Variants in GSE1 observed in about 807,000 individuals in gnomAD.
GSE1 encodes Gse1 coiled-coil protein.
A neutral mutation model predicts 112.6 loss-of-function variants in GSE1; 32 were observed. The ratio of observed to expected loss-of-function variants is 0.28; its 90% CI spans 0.21 to 0.38. GSE1 has a LOEUF of 0.38. GSE1 is among the 10% of genes least tolerant of loss of function. The pLI, the probability that GSE1 is intolerant of heterozygous loss-of-function variation, is 1.00. For missense variants in GSE1, 2,348 were observed against 1,699.2 expected (o/e 1.38, Z -6.71); for synonymous variants, 1,115 against 735.6 (o/e 1.52, Z -8.35).
intron 3 of GSE1, among the ~76,000 whole-genome samples, chr16:85,653,060 G>A (rs1285443922): frequency 6.6e-6 from 1 of 150,904 alleles, no homozygotes; most frequent in African/African-American, 2.4e-5. Context: ...CCTGGGCAGT[G>A]CTGTCCCCAC....
At chr16:85,338,848 A>G (rs1351451993) in intron 1 of GSE1, among the ~76,000 whole-genome samples, 1 of 152,206 alleles carries the variant, frequency 6.6e-6, no homozygotes, top group African/African-American at 2.4e-5. Flanking sequence ...GCAAGCTGTG[A>G]TGGACAGGTG....
intron 1 of GSE1, among the ~76,000 whole-genome samples, chr16:85,344,993 C>G (rs2046703790): frequency 6.6e-6 from 1 of 152,246 alleles, no homozygotes; most frequent in Admixed American, 6.5e-5. Flanking sequence ...TCAGCCGCCC[C>G]CTCCCACAGG....
intron 1 of GSE1, among the ~76,000 whole-genome samples, chr16:85,313,132 C>T (rs923496021): frequency 6.6e-6 from 1 of 152,214 alleles, no homozygotes; most frequent in African/African-American, 2.4e-5. Flanking sequence ...TCCCAGGGAA[C>T]CGTCTCAGAA....
chr16:85,243,454 G>A (rs749692132), intron 1 of GSE1, among the ~76,000 whole-genome samples: 12 of 152,198 alleles, frequency 7.9e-5, no homozygotes, highest in Non-Finnish European at 1.2e-4. Context: ...CTGGCATCCC[G>A]GCCTGTGTTG....
intron 2 of GSE1, among the ~76,000 whole-genome samples, chr16:85,635,749 T>C (rs79926295): frequency 0.029 from 4,435 of 152,316 alleles, 211 homozygotes; most frequent in African/African-American, 0.1. Context: ...TGGGTTATCC[T>C]TGCATCCTGC....
rs554418691 is a variant in GSE1 at position 85,656,403 on chromosome 16, G to A, written c.1050G>A (p.Glu350=). ...ERERERERER[E]READREREKE... ...AGCGCGAGCGCGAGCGCGAGCGTGAGCGTGAGGCTGACCGCGAGCGGGAGA... is the reference window on the plus strand; with the variant it reads ...AGCGCGAGCGCGAGCGCGAGCGTGAACGTGAGGCTGACCGCGAGCGGGAGA... The change falls in exon 7 of 16, where the codon GAG becomes GAA. Residue 350 remains glutamate, a synonymous_variant. Transcript: ENST00000253458. 6.7e-5 allele frequency: 106 copies of A among 1,584,626 alleles called. 2 individuals carry two copies. The South Asian group carries it at 1.1e-3, about 16-fold the overall frequency.
intron 1 of GSE1, among the ~76,000 whole-genome samples, chr16:85,351,891 G>A (rs1031867460): frequency 1.3e-5 from 2 of 152,128 alleles, no homozygotes; most frequent in African/African-American, 4.8e-5. Flanking sequence ...TTGGGAGGCT[G>A]AGGCAGGAGA....
chr16:85,235,237 GCTCCCAA>G (rs1567628147), intron 1 of GSE1, among the ~76,000 whole-genome samples: 1 of 152,000 alleles, frequency 6.6e-6, no homozygotes, highest in African/African-American at 2.4e-5. Context: ...ATCAGAACAA[GCTCCCAA>G]CCCCCCGGCC....
upstream of GSE1, among the ~76,000 whole-genome samples, chr16:85,611,715 G>GC (rs1445187333): frequency 2.0e-5 from 3 of 152,100 alleles, no homozygotes; most frequent in Non-Finnish European, 2.9e-5. Flanking sequence ...GCCAGACCCT[G>GC]CCCCCCGGAG....
chr16:85,208,101 G>A (rs115667227), intron 1 of GSE1, among the ~76,000 whole-genome samples: 448 of 152,278 alleles, frequency 2.9e-3, no homozygotes, highest in African/African-American at 0.01. Context: ...TTAGGAGGGA[G>A]TCAGGATGCC....
rs554446923 is a variant in GSE1, at chr16:85,626,325, C to T, written c.8-7589C>T. Among the ~76,000 whole-genome samples, 74 of 152,322 alleles carry T rather than the reference C, an allele frequency of 4.9e-4. 1 individual carries two copies. Among genetic ancestry groups the T allele is most frequent in the African/African-American group, 1.6e-3 (67 of 41,572 alleles). On this transcript the variant is annotated intron_variant, in intron 1 of 15. Coordinates refer to ENST00000253458, the MANE Select transcript of GSE1 (RefSeq NM_014615.5). ...TATCATGAAGCCGCCCAGGCTCCTG[C>T]GATCACGTGGTGCCCGTGCAGCCTC... is the stretch of plus-strand genomic sequence containing the variant.
chr16:85,487,717 C>T (rs1300168591), intron 2 of GSE1, among the ~76,000 whole-genome samples: 1 of 144,334 alleles, frequency 6.9e-6, no homozygotes, highest in Non-Finnish European at 1.5e-5. Context: ...GGGGCCAGGG[C>T]TGTGCCCTCG....
At chr16:85,484,227 C>G (rs911625749) in intron 2 of GSE1, among the ~76,000 whole-genome samples, 3 of 152,308 alleles carry the variant, frequency 2.0e-5, no homozygotes, top group African/African-American at 7.2e-5. Context: ...CAGTGGGTCC[C>G]ACACACCTGC....
chr16:85,342,872 G>T (rs1274129211), intron 1 of GSE1, among the ~76,000 whole-genome samples: 1 of 150,168 alleles, frequency 6.7e-6, no homozygotes, highest in Admixed American at 6.6e-5. Flanking sequence ...CCCTCTCCAT[G>T]CACAAATTGT....
chr16:85,344,844 C>G (rs561079556), intron 1 of GSE1, among the ~76,000 whole-genome samples: 35 of 152,318 alleles, frequency 2.3e-4, no homozygotes, highest in African/African-American at 8.2e-4. Context: ...GTGGTGTAGA[C>G]AAGCTGGCTG....
intron 1 of GSE1, among the ~76,000 whole-genome samples, chr16:85,204,153 C>A (rs528954608): frequency 7.7e-4 from 117 of 152,324 alleles, no homozygotes; most frequent in African/African-American, 2.7e-3. Flanking sequence ...CAGTCTCCAG[C>A]GATTGTGAAT....
intron 1 of GSE1, among the ~76,000 whole-genome samples, chr16:85,341,160 G>A (rs2046616251): frequency 6.6e-6 from 1 of 151,938 alleles, no homozygotes; most frequent in Non-Finnish European, 1.5e-5. Context: ...GCAAGAACAT[G>A]CGAGTTTTTC....
intron 2 of GSE1, among the ~76,000 whole-genome samples, chr16:85,483,833 A>G (rs1380321672): frequency 6.6e-6 from 1 of 152,178 alleles, no homozygotes; most frequent in Admixed American, 6.5e-5. Context: ...ATAATTGAAG[A>G]ATGTTGGGGA....
intron 1 of GSE1, among the ~76,000 whole-genome samples, chr16:85,257,955 A>G (rs1907259100): frequency 1.3e-5 from 2 of 152,178 alleles, no homozygotes; most frequent in South Asian, 4.1e-4. Flanking sequence ...GGGGCCTAGG[A>G]GGGCTGGTGT....
Sources: gnomAD v4.1 joint callset for allele counts (sites outside exome capture counted in the v4.1 genomes callset) on GRCh38, gnomAD v4.1.1 for gene constraint, MANE v1.5 for transcripts, NCBI Gene and HGNC (gene_info 2026-07-23, HGNC 2026-07-21) for gene names.